FBXO17: variants seen among roughly 807,000 people sequenced by gnomAD.
The protein encoded by FBXO17 is F-box only protein 17.
A neutral mutation model predicts 34.1 loss-of-function variants in FBXO17; 43 were observed. That is an observed-to-expected ratio of 1.26 (90% CI 0.99 to 1.62). FBXO17 has a LOEUF of 1.62. FBXO17 is among the 40% of genes most tolerant of loss of function. The pLI is 0.00. For synonymous variants in FBXO17, 169 were observed against 166.0 expected, an observed-to-expected ratio of 1.02 and a Z score of -0.14; for missense variants, 424 against 386.7, an observed-to-expected ratio of 1.10 and a Z score of -0.81.
intron 4 of FBXO17, 188 bp downstream of exon 4, chr19:38,946,284 G>C (rs1233974947): frequency 4.0e-6 from 4 of 1,000,276 alleles, no homozygotes; most frequent in South Asian, 1.7e-5. Context: ...AGTGCAGAGT[G>C]GGGGCTCTGG....
chr19:38,944,840 G>A (rs1294443063), intron 5 of FBXO17, 129 bp downstream of exon 5: 5 of 1,317,250 alleles, frequency 3.8e-6, no homozygotes, highest in African/African-American at 3.0e-5. Context: ...ATGTAAGAAG[G>A]GCTCGATACT....
chr19:38,949,670 C>T (rs1045187228), intron 2 of FBXO17: 2 of 504,326 alleles, frequency 4.0e-6, no homozygotes, highest in African/African-American at 4.1e-5. Flanking sequence ...TTGCCATTCC[C>T]ACCGCGCCTG....
intron 1 of FBXO17, among the ~76,000 whole-genome samples, chr19:38,954,139 C>T (rs948713415): frequency 2.0e-5 from 3 of 151,864 alleles, no homozygotes; most frequent in African/African-American, 7.3e-5. Context: ...GGCCAGGGGG[C>T]TGTGTTGTTT....
chr19:38,972,548 G>GA lies in FBXO17; in HGVS notation c.-18+3037dup, dbSNP rs71167607. Among the ~76,000 whole-genome samples, 790 of 137,984 alleles carry GA rather than the reference G, an allele frequency of 5.7e-3. 5 individuals are homozygous for GA. Among genetic ancestry groups the GA allele is most frequent in the African/African-American group, 0.016 (594 of 36,800 alleles). The allele number at this position is 137,984 out of a possible 152,430, so 90.5% of individuals were successfully genotyped here. On this transcript the variant is annotated intron_variant, in intron 1 of 5. Transcript: ENST00000292852. Reference sequence around the variant, plus strand: ...CGACAGAGTGAGACCCCATCTCAAAGAAAAAAAAAAAAAACCTGCTGGGAT... The same window carrying GA: ...CGACAGAGTGAGACCCCATCTCAAAGAAAAAAAAAAAAAAACCTGCTGGGAT...
chr19:38,944,663 G>T, intron 5 of FBXO17: 1 of 351,352 alleles, frequency 2.8e-6, no homozygotes. Context: ...CTGTGCCTCT[G>T]TTTCCTCAAC....
Position 38,942,727 on chromosome 19 carries a change from C to T in FBXO17, c.718G>A (p.Gly240Ser). The T allele has an allele frequency of 6.2e-7, 1 of 1,606,534 alleles. No individual in the cohort carries two copies. ...AAAGATACGTAGCGGATGCCCTTGC[C>T]AAAGTTGGTGAAGACGTGGGAGACC... ...RQVSHVFTNF[G>S]KGIRYVSFEQ... Residue 240 changes from glycine to serine, a missense_variant, in exon 6 of 6, where the codon GGC becomes AGC. By Grantham distance (56) the Gly-to-Ser change is moderately conservative. Coordinates refer to ENST00000292852, the MANE Select transcript of FBXO17 (RefSeq NM_024907.7).
Position 38,942,514 on chromosome 19 carries a change from G to A in FBXO17, c.*94C>T, listed in dbSNP as rs944515239. 6.8e-6 allele frequency: 9 copies of A among 1,329,044 alleles called. No homozygotes were observed. Among genetic ancestry groups the A allele is most frequent in the South Asian group, 1.8e-5 (1 of 54,994 alleles). 82.3% of individuals were successfully genotyped at this position (1,329,044 alleles called of 1,614,324 possible). A position where few individuals can be genotyped will look rare whatever the true frequency, so the allele number is the denominator to read the frequency against. ...CGAGCTCCAGTGATCCTCCCACCTC[G>A]GCCTCCTGAAGTGCTGGGATTCCAC... On this transcript the variant is annotated 3_prime_UTR_variant, in exon 6 of 6. Coordinates refer to ENST00000292852, the MANE Select transcript of FBXO17 (RefSeq NM_024907.7).
chr19:38,959,866 A>T (rs1975222816), intron 1 of FBXO17, among the ~76,000 whole-genome samples: 1 of 152,118 alleles, frequency 6.6e-6, no homozygotes. Flanking sequence ...ACTGCATTCC[A>T]GCCTGGGTGA....
chr19:38,955,735 TG>T (rs749923044), intron 1 of FBXO17, among the ~76,000 whole-genome samples: 4 of 151,954 alleles, frequency 2.6e-5, no homozygotes, highest in Non-Finnish European at 2.9e-5. Context: ...CCTGCTGCCT[TG>T]GCCTCCCAAA....
chr19:38,957,399 T>G (rs1975181162), intron 1 of FBXO17, among the ~76,000 whole-genome samples: 1 of 151,946 alleles, frequency 6.6e-6, no homozygotes, highest in Admixed American at 6.6e-5. Context: ...CAGGCTGGAG[T>G]GCAGTTGCAT....
At chr19:38,956,909 T>A (rs956385307) in intron 1 of FBXO17, among the ~76,000 whole-genome samples, 1 of 152,110 alleles carries the variant, frequency 6.6e-6, no homozygotes, top group Non-Finnish European at 1.5e-5. Context: ...TTTTTAAAAA[T>A]GATGTGTCAT....
intron 1 of FBXO17, among the ~76,000 whole-genome samples, chr19:38,956,047 C>T (rs578261239): frequency 6.6e-6 from 1 of 152,104 alleles, no homozygotes; most frequent in East Asian, 1.9e-4. Context: ...GAGCGGATCA[C>T]CTGAGGTCGG....
chr19:38,971,880 G>T (rs879441855), intron 1 of FBXO17, among the ~76,000 whole-genome samples: 18 of 152,080 alleles, frequency 1.2e-4, no homozygotes, highest in Admixed American at 1.1e-3. Flanking sequence ...AATAGTTAAG[G>T]AGATGCCTTC....
intron 1 of FBXO17, chr19:38,952,855 T>C (rs1449099815): frequency 2.2e-6 from 1 of 456,776 alleles, no homozygotes; most frequent in African/African-American, 2.0e-5. Context: ...CATCACTTTT[T>C]CTTTCCACCT....
intron 5 of FBXO17, among the ~76,000 whole-genome samples, chr19:38,943,904 T>C (rs1254160481): frequency 6.6e-6 from 1 of 152,190 alleles, no homozygotes; most frequent in Non-Finnish European, 1.5e-5. Context: ...ATTCATTTTT[T>C]AAAGTGTACA....
At chr19:38,966,293 T>TTGTGTGTGTGTGTGTGTGTGTGTG (rs10569438) in intron 1 of FBXO17, among the ~76,000 whole-genome samples, 6 of 142,942 alleles carry the variant, frequency 4.2e-5, no homozygotes, top group Non-Finnish European at 6.1e-5. Context: ...ATTAAAAATT[T>TTGTGTGTGTGTGTGTGTGTGTGTG]TGTGTGTGTG....
At chr19:38,952,824 A>C (rs1263879177) in intron 1 of FBXO17, 2 of 456,624 alleles carry the variant, frequency 4.4e-6, no homozygotes, top group African/African-American at 4.0e-5. Context: ...CAGAACCTCA[A>C]TCTCACACTC....
chr19:38,956,257 C>G lies in FBXO17; in HGVS notation c.-17-5921G>C, dbSNP rs1975166038. ...CTCCAGCCTGGGCGATAGACTGAGA[C>G]TCTGTCTCAAAAAAAAAAAAAAAAG... On this transcript the variant is annotated intron_variant, in intron 1 of 5. Transcript: ENST00000292852. Among the ~76,000 whole-genome samples, 3 of 140,844 alleles carry G rather than the reference C, an allele frequency of 2.1e-5. No homozygotes were observed. The Admixed American group carries it at 2.2e-4, about 10-fold the overall frequency. The allele number at this position is 140,844 out of a possible 152,430, so 92.4% of individuals were successfully genotyped here.
intron 1 of FBXO17, among the ~76,000 whole-genome samples, chr19:38,974,164 C>T (rs1270262373): frequency 6.6e-6 from 1 of 151,188 alleles, no homozygotes; most frequent in Non-Finnish European, 1.5e-5. Flanking sequence ...TCACTGCAAC[C>T]TCCACCTCCA....
Sources: allele counts gnomAD v4.1 joint callset (sites outside exome capture counted in the v4.1 genomes callset), GRCh38; gene constraint gnomAD v4.1.1; transcripts MANE v1.5; gene names NCBI Gene and HGNC (gene_info 2026-07-23, HGNC 2026-07-21).